The following GABRB1 variants were observed in gnomAD, a reference collection of about 807,000 sequenced individuals.
The protein encoded by GABRB1 is gamma-aminobutyric acid type A receptor subunit beta1.
In GABRB1, 17 loss-of-function variants were observed where a neutral mutation model predicts 51.6. That is an observed-to-expected ratio of 0.33 (90% CI 0.23 to 0.49). GABRB1 has a LOEUF of 0.49. Ranked by LOEUF, GABRB1 falls within the 20% of genes least tolerant of loss-of-function variation. The pLI is 0.99. For missense variants in GABRB1, 410 were observed against 600.6 expected, an observed-to-expected ratio of 0.68 and a Z score of 3.32; for synonymous variants, 247 against 218.9, an observed-to-expected ratio of 1.13 and a Z score of -1.14.
At chr4:47,305,597 A>G (rs1172192638) in intron 4 of GABRB1, among the ~76,000 whole-genome samples, 4 of 152,162 alleles carry the variant, frequency 2.6e-5, no homozygotes, top group African/African-American at 9.7e-5. Flanking sequence ...TGGAAGTCAC[A>G]CAAGAAGCAA....
intron 4 of GABRB1, among the ~76,000 whole-genome samples, chr4:47,212,749 TC>T (rs2109812393): frequency 6.6e-6 from 1 of 152,270 alleles, no homozygotes; most frequent in East Asian, 1.9e-4. Context: ...TTTTAATTAT[TC>T]CTATAAAAAA....
intron 3 of GABRB1, among the ~76,000 whole-genome samples, chr4:47,035,982 G>T (rs1725539550): frequency 6.6e-6 from 1 of 152,044 alleles, no homozygotes; most frequent in Non-Finnish European, 1.5e-5. Context: ...AAGACACGAT[G>T]GTCCAAATGG....
At chr4:47,055,589 G>C (rs1373089937) in intron 3 of GABRB1, among the ~76,000 whole-genome samples, 1 of 152,186 alleles carries the variant, frequency 6.6e-6, no homozygotes, top group African/African-American at 2.4e-5. Flanking sequence ...CCATAGCAGA[G>C]ATGGAGCCAC....
chr4:47,008,062 T>C (rs1724464895), intron 1 of GABRB1, among the ~76,000 whole-genome samples: 1 of 151,978 alleles, frequency 6.6e-6, no homozygotes, highest in East Asian at 1.9e-4. Context: ...TGAACTGGAA[T>C]AGTGGCAGTG....
intron 3 of GABRB1, among the ~76,000 whole-genome samples, chr4:47,073,476 T>C (rs538159471): frequency 2.0e-5 from 3 of 152,258 alleles, no homozygotes; most frequent in African/African-American, 4.8e-5. Flanking sequence ...CTAAGAGGCA[T>C]AAAACTCAGG....
chr4:47,049,063 GAA>G lies in GABRB1; in HGVS notation c.240+16594_240+16595del, dbSNP rs5858051. Reference sequence around the variant, plus strand: ...TCTTAATCTTTTCATGATGAGAAGAGAAAAAAAAAAAAAAAACTGTTGCCAGA... The same window carrying G: ...TCTTAATCTTTTCATGATGAGAAGAGAAAAAAAAAAAAAACTGTTGCCAGA... On this transcript the variant is annotated intron_variant, in intron 3 of 8. Transcript: ENST00000295454. Among the ~76,000 whole-genome samples the G allele has an allele frequency of 5.0e-3, 698 of 138,556 alleles. 5 individuals carry two copies. The highest frequency in any genetic ancestry group is 0.011 in the African/African-American group (408 of 37,440). 90.9% of individuals were successfully genotyped at this position (138,556 alleles called of 152,430 possible).
chr4:47,361,097 A>G (rs1046793471), intron 5 of GABRB1, among the ~76,000 whole-genome samples: 4 of 152,102 alleles, frequency 2.6e-5, no homozygotes, highest in African/African-American at 9.7e-5. Flanking sequence ...GCTCCAGGTA[A>G]CCACCATATA....
At chr4:47,374,055 C>T (rs1727298009) in intron 5 of GABRB1, among the ~76,000 whole-genome samples, 1 of 152,152 alleles carries the variant, frequency 6.6e-6, no homozygotes, top group East Asian at 1.9e-4. Flanking sequence ...AGACACCATA[C>T]ACCATGCAAA....
intron 4 of GABRB1, among the ~76,000 whole-genome samples, chr4:47,273,626 T>C (rs540483679): frequency 1.4e-4 from 22 of 152,158 alleles, no homozygotes; most frequent in African/African-American, 5.1e-4. Context: ...TGGGCTGTAC[T>C]AGGCTGTGGG....
At chr4:47,002,000 T>C (rs1263154220) in intron 1 of GABRB1, among the ~76,000 whole-genome samples, 1 of 152,200 alleles carries the variant, frequency 6.6e-6, no homozygotes, top group African/African-American at 2.4e-5. Context: ...AGGCAGTTTT[T>C]TACGACACAG....
chr4:47,282,563 T>TA (rs200167956), intron 4 of GABRB1, among the ~76,000 whole-genome samples: 148 of 147,396 alleles, frequency 1.0e-3, no homozygotes, highest in African/African-American at 2.2e-3. Flanking sequence ...CAACTAAGCA[T>TA]AAAAAAAAAA....
chr4:47,213,096 C>A (rs534919995), intron 4 of GABRB1, among the ~76,000 whole-genome samples: 1 of 152,314 alleles, frequency 6.6e-6, no homozygotes, highest in African/African-American at 2.4e-5. Context: ...GAATATATCA[C>A]TTCCCAATAT....
intron 3 of GABRB1, among the ~76,000 whole-genome samples, chr4:47,043,957 A>G (rs1725971517): frequency 6.6e-6 from 1 of 152,134 alleles, no homozygotes; most frequent in Admixed American, 6.6e-5. Context: ...AGAGATTAGA[A>G]AACAGAATAA....
chr4:47,142,383 T>G lies in GABRB1; in HGVS notation c.241-18866T>G, dbSNP rs186064876. Among the ~76,000 whole-genome samples the G allele has an allele frequency of 2.7e-4, 41 of 152,014 alleles. 1 individual carries two copies. The highest frequency in any genetic ancestry group is 2.5e-3 in the Admixed American group (38 of 15,196). On this transcript the variant is annotated intron_variant, in intron 3 of 8. Coordinates refer to ENST00000295454, the MANE Select transcript of GABRB1 (RefSeq NM_000812.4). The stretch of plus-strand genomic sequence containing the variant: ...CTTTGAATAAAAGACAAATAAGATT[T>G]TATGGCTATAAAAGAGAGTTCAAGA...
At chr4:47,235,558 C>CA (rs548926482) in intron 4 of GABRB1, among the ~76,000 whole-genome samples, 17,904 of 137,672 alleles carry the variant, frequency 0.13, 1,213 homozygotes, top group Non-Finnish European at 0.16. Context: ...AAAAAAAAAC[C>CA]AAAAAAAAAA....
chr4:47,033,595 G>T (rs562736638), intron 3 of GABRB1, among the ~76,000 whole-genome samples: 1 of 152,170 alleles, frequency 6.6e-6, no homozygotes, highest in South Asian at 2.1e-4. Context: ...TGGCTATAAA[G>T]GCTATTGAAT....
Position 47,133,098 on chromosome 4 carries a change from G to C in GABRB1, c.241-28151G>C, listed in dbSNP as rs544690156. ...ATATTATGTTTTTATGTTTTAATTT[G>C]TTCAATATCTCTTGCAAAAGAAAGT... is the stretch of plus-strand genomic sequence containing the variant. On this transcript the variant is annotated intron_variant, in intron 3 of 8. Transcript: ENST00000295454. Among the ~76,000 whole-genome samples, 3 of 152,140 alleles carry C rather than the reference G, an allele frequency of 2.0e-5. No homozygotes were observed. The East Asian group carries it at 5.8e-4, about 29-fold the overall frequency.
chr4:47,007,268 T>C (rs182720489), intron 1 of GABRB1, among the ~76,000 whole-genome samples: 3 of 152,322 alleles, frequency 2.0e-5, no homozygotes, highest in East Asian at 3.9e-4. Flanking sequence ...ATCTGTAAAA[T>C]GTATTATTAA....
intron 4 of GABRB1, among the ~76,000 whole-genome samples, chr4:47,247,375 C>T (rs1474961371): frequency 6.6e-6 from 1 of 152,024 alleles, no homozygotes; most frequent in Non-Finnish European, 1.5e-5. Context: ...TTCCATTGGT[C>T]TGTGTGCCTA....
Sources: gnomAD v4.1 joint callset for allele counts (sites outside exome capture counted in the v4.1 genomes callset) on GRCh38, gnomAD v4.1.1 for gene constraint, MANE v1.5 for transcripts, NCBI Gene and HGNC (gene_info 2026-07-23, HGNC 2026-07-21) for gene names.